Variants in ERICH1 observed in about 807,000 individuals in gnomAD.
ERICH1 encodes the protein glutamate rich 1, also known as glutamate-rich protein 1.
In ERICH1, 56 loss-of-function variants were observed where a neutral mutation model predicts 39.6. The ratio of observed to expected loss-of-function variants is 1.41; its 90% confidence interval spans 1.14 to 1.77. The LOEUF is 1.77. Ranked by LOEUF, ERICH1 falls within the 40% of genes most tolerant of loss-of-function variation. The pLI is 0.00. For missense variants in ERICH1, 826 were observed against 575.4 expected, an observed-to-expected ratio of 1.44 and a Z score of -4.45; for synonymous variants, 313 against 223.6, an observed-to-expected ratio of 1.40 and a Z score of -3.57.
chr8:659,833 C>G (rs59517622), downstream of ERICH1, among the ~76,000 whole-genome samples: 45 of 43,074 alleles, frequency 1.0e-3, 1 homozygote, highest in South Asian at 2.2e-3. Flanking sequence ...TGTGCACTGA[C>G]CATCCTGGGG....
intron 3 of ERICH1, among the ~76,000 whole-genome samples, chr8:649,676 C>G (rs1489033644): frequency 6.6e-6 from 1 of 152,194 alleles, no homozygotes; most frequent in Non-Finnish European, 1.5e-5. Flanking sequence ...GATCATGAAG[C>G]ACTGCCTCCA....
chr8:654,154 G>A (rs1271204348), intron 3 of ERICH1, among the ~76,000 whole-genome samples: 2 of 152,184 alleles, frequency 1.3e-5, no homozygotes, highest in East Asian at 3.8e-4. Context: ...ATTTTTTAAA[G>A]TATAGTAGAC....
At position 630,043 on chromosome 8, in the gene ERICH1, CCA is replaced by C. The variant is rs1251723003; in HGVS notation, c.977-14761_977-14760del. Among the ~76,000 whole-genome samples the C allele has an allele frequency of 2.0e-4, 19 of 96,242 alleles. No homozygotes were observed. In the South Asian group the frequency reaches 2.3e-3, roughly 12 times the overall value. The allele number at this position is 96,242 out of a possible 152,430, so 63.1% of individuals were successfully genotyped here. On this transcript the variant is annotated intron_variant, in intron 3 of 3. Coordinates refer to the ERICH1 transcript ENST00000522706. Reference sequence around the variant, plus strand: ...CTGACTCACACCCTCCCGTGACCACCCACACAGACAGAGCTGACTCACACCCT... The same window carrying C: ...CTGACTCACACCCTCCCGTGACCACCCACAGACAGAGCTGACTCACACCCT...
At chr8:618,582 G>A (rs1797084514) in intron 3 of ERICH1, among the ~76,000 whole-genome samples, 1 of 152,214 alleles carries the variant, frequency 6.6e-6, no homozygotes, top group African/African-American at 2.4e-5. Context: ...CTGTCTTTCA[G>A]AGACCTTGGG....
chr8:618,869 T>C (rs888905944), intron 3 of ERICH1, among the ~76,000 whole-genome samples: 1 of 151,800 alleles, frequency 6.6e-6, no homozygotes, highest in African/African-American at 2.4e-5. Flanking sequence ...ATTTCAAAGG[T>C]AGAGGACACA....
intron 1 of ERICH1, among the ~76,000 whole-genome samples, chr8:727,973 G>T (rs920286144): frequency 6.6e-6 from 1 of 152,184 alleles, no homozygotes; most frequent in Non-Finnish European, 1.5e-5. Context: ...GCCTCATGCA[G>T]GGAGACAGGG....
chr8:638,714 CAGG>C, intron 3 of ERICH1, among the ~76,000 whole-genome samples: 1 of 152,212 alleles, frequency 6.6e-6, no homozygotes, highest in East Asian at 1.9e-4. Flanking sequence ...ACTCCTCCCA[CAGG>C]AGGTGTGTCT....
chr8:717,199 TG>T (rs1432389963), intron 1 of ERICH1, among the ~76,000 whole-genome samples: 1 of 152,200 alleles, frequency 6.6e-6, no homozygotes, highest in African/African-American at 2.4e-5. Flanking sequence ...GTGGAAAACC[TG>T]AACTGAAACG....
At position 678,926 on chromosome 8, in the gene ERICH1, C is replaced by T. The variant is rs576477771; in HGVS notation, c.305-4879G>A. 3.5e-3 allele frequency among the ~76,000 whole-genome samples: 528 copies of T among 152,268 alleles called. 6 individuals are homozygous for T. Among genetic ancestry groups the T allele is most frequent in the African/African-American group, 0.012 (489 of 41,528 alleles). On this transcript the variant is annotated intron_variant, in intron 3 of 5. Transcript: ENST00000262109. Reference sequence around the variant, plus strand: ...CTCTGGGCCCTCATGGCTCTGACGACCGTCACAGCTCTGGCCTCTTATGAT... The same window carrying T: ...CTCTGGGCCCTCATGGCTCTGACGATCGTCACAGCTCTGGCCTCTTATGAT...
intron 2 of ERICH1, among the ~76,000 whole-genome samples, chr8:698,720 C>A (rs1021022543): frequency 6.6e-6 from 1 of 152,128 alleles, no homozygotes; most frequent in Non-Finnish European, 1.5e-5. Context: ...TCAAGCAATC[C>A]TCCCTCCTTG....
intron 3 of ERICH1, among the ~76,000 whole-genome samples, chr8:651,340 C>T (rs1388360074): frequency 6.6e-6 from 1 of 152,206 alleles, no homozygotes; most frequent in South Asian, 2.1e-4. Flanking sequence ...TCTGAAAATA[C>T]TAATTCTAAT....
chr8:625,631 T>G (rs78466219), intron 3 of ERICH1: 2 of 152,204 alleles, frequency 1.3e-5, no homozygotes, highest in African/African-American at 4.8e-5. Flanking sequence ...GTAAGCAAAT[T>G]ATATCTTAAG....
In ERICH1 at chr8:645,943, T is replaced by C. The variant is rs1799463853; in HGVS notation, c.976+22655A>G. On this transcript the variant is annotated intron_variant, in intron 3 of 3. Coordinates refer to the ERICH1 transcript ENST00000522706. ...TTCTGCATGTTGAGTGCCGTGTCTG[T>C]ACATCCGTGAGATGCACTGAGATGC... is the stretch of plus-strand genomic sequence containing the variant. Among the ~76,000 whole-genome samples, 2 of 69,858 alleles carry C rather than the reference T, an allele frequency of 2.9e-5. 1 individual carries two copies. The highest frequency in any genetic ancestry group is 7.2e-5 in the African/African-American group (2 of 27,796). 45.8% of individuals were successfully genotyped at this position (69,858 alleles called of 152,430 possible).
chr8:634,577 C>G (rs370661652), intron 3 of ERICH1, among the ~76,000 whole-genome samples: 1 of 152,196 alleles, frequency 6.6e-6, no homozygotes, highest in African/African-American at 2.4e-5. Context: ...GCGGCTCACT[C>G]CAGCTCTAAG....
chr8:679,112 G>A (rs1805516165), intron 3 of ERICH1, among the ~76,000 whole-genome samples: 1 of 142,080 alleles, frequency 7.0e-6, no homozygotes, highest in African/African-American at 2.7e-5. Context: ...ACTCCTCACA[G>A]CTCCCACCTC....
At chr8:637,255 C>T (rs1798512362) in intron 3 of ERICH1, among the ~76,000 whole-genome samples, 1 of 152,338 alleles carries the variant, frequency 6.6e-6, no homozygotes, top group East Asian at 1.9e-4. Flanking sequence ...ACAGCCTCGT[C>T]CCCGGCATCC....
chr8:629,628 CCAGAGACAGAGCTGACTCACACCCGCCT>C (rs1797838604), intron 3 of ERICH1, among the ~76,000 whole-genome samples: 5 of 98,370 alleles, frequency 5.1e-5, no homozygotes, highest in African/African-American at 2.1e-4. Flanking sequence ...TGTGACCACC[CCAGAGACAGAGCTGACTCACACCCGCCT>C]GTGACCACCC....
At chr8:707,421 T>A (rs12544335) in intron 2 of ERICH1, among the ~76,000 whole-genome samples, 7 of 152,062 alleles carry the variant, frequency 4.6e-5, no homozygotes, top group Non-Finnish European at 8.8e-5. Flanking sequence ...TTGGCCAGGC[T>A]GGTCTCGAAC....
intron 2 of ERICH1, among the ~76,000 whole-genome samples, chr8:697,353 C>T (rs1221640872): frequency 6.6e-6 from 1 of 152,154 alleles, no homozygotes. Flanking sequence ...GCCGGTGCAA[C>T]GCCGACCCCA....
Sources: allele counts gnomAD v4.1 joint callset (sites outside exome capture counted in the v4.1 genomes callset), GRCh38; gene constraint gnomAD v4.1.1; transcripts MANE v1.5; gene names NCBI Gene and HGNC (gene_info 2026-07-23, HGNC 2026-07-21).